The following MORC1 variants were observed in gnomAD, a reference collection of about 807,000 sequenced individuals.
MORC1 encodes MORC family CW-type zinc finger protein 1.
A neutral mutation model predicts 134.9 loss-of-function variants in MORC1; 59 were observed. The ratio of observed to expected loss-of-function variants is 0.44; its 90% CI spans 0.35 to 0.54. MORC1 has a LOEUF of 0.54. Ranked by LOEUF, MORC1 falls within the 20% of genes least tolerant of loss-of-function variation. MORC1 has a pLI of 0.00. For missense variants in MORC1, 947 were observed against 1,134.5 expected, an observed-to-expected ratio of 0.83 and a Z score of 2.37; for synonymous variants, 395 against 391.7, an observed-to-expected ratio of 1.01 and a Z score of -0.10.
intron 27 of MORC1, among the ~76,000 whole-genome samples, chr3:108,961,814 A>T (rs1255987451): frequency 3.9e-5 from 6 of 152,246 alleles, no homozygotes; most frequent in Non-Finnish European, 7.3e-5. Flanking sequence ...AAGGAGTAGT[A>T]AACGATTATT....
rs144339213 is a variant in MORC1, at chr3:109,093,851, G to A, written c.584-310C>T. On this transcript the variant is annotated intron_variant, in intron 7 of 27. Transcript: ENST00000232603. ...TAATTTGCATTATGAAATTTGTTAA[G>A]AGCCTGAGCCAAGCTTGTGTTATAG... 1.0e-3 allele frequency among the ~76,000 whole-genome samples: 157 copies of A among 152,286 alleles called. 3 individuals are homozygous for A. The highest frequency in any genetic ancestry group is 3.6e-3 in the African/African-American group (148 of 41,556).
intron 9 of MORC1, among the ~76,000 whole-genome samples, chr3:109,066,083 G>T (rs1169147986): frequency 6.6e-6 from 1 of 152,018 alleles, no homozygotes; most frequent in South Asian, 2.1e-4. Context: ...ATGCTCATTA[G>T]CTGGGTGACA....
intron 11 of MORC1, among the ~76,000 whole-genome samples, chr3:109,061,131 G>C (rs960591038): frequency 2.0e-5 from 3 of 152,034 alleles, no homozygotes; most frequent in Non-Finnish European, 2.9e-5. Context: ...ACACAGCCTT[G>C]GTCCTGGAAA....
intron 2 of MORC1, among the ~76,000 whole-genome samples, chr3:109,113,234 G>C (rs1951204716): frequency 6.6e-6 from 1 of 152,070 alleles, no homozygotes; most frequent in Admixed American, 6.5e-5. Context: ...ATCTTTCTTG[G>C]CTTCATCCTT....
chr3:109,024,894 T>C (rs1225689457), intron 17 of MORC1, among the ~76,000 whole-genome samples: 1 of 152,212 alleles, frequency 6.6e-6, no homozygotes, highest in Non-Finnish European at 1.5e-5. Context: ...TCCTTTCTTA[T>C]CTCACATTCC....
chr3:109,087,971 T>C (rs918134109), intron 8 of MORC1, among the ~76,000 whole-genome samples: 4 of 152,126 alleles, frequency 2.6e-5, no homozygotes, highest in South Asian at 2.1e-4. Context: ...AAAGAAGCAA[T>C]GGGAAAAGAC....
chr3:108,962,961 A>G (rs1947121011), intron 27 of MORC1, among the ~76,000 whole-genome samples: 1 of 152,140 alleles, frequency 6.6e-6, no homozygotes. Flanking sequence ...AACTGAAAAA[A>G]TTACCTACTG....
chr3:109,048,731 T>A (rs1949752317), intron 14 of MORC1, among the ~76,000 whole-genome samples: 1 of 152,110 alleles, frequency 6.6e-6, no homozygotes, highest in Non-Finnish European at 1.5e-5. Context: ...TCCTCACATG[T>A]TTTTTTCTTT....
intron 23 of MORC1, among the ~76,000 whole-genome samples, chr3:108,982,420 T>C (rs987937588): frequency 2.6e-5 from 4 of 152,070 alleles, no homozygotes; most frequent in Non-Finnish European, 4.4e-5. Context: ...CAAAGGATTA[T>C]AAATCATGCT....
chr3:109,039,659 T>C (rs1230512674), intron 14 of MORC1, among the ~76,000 whole-genome samples: 1 of 152,180 alleles, frequency 6.6e-6, no homozygotes, highest in African/African-American at 2.4e-5. Context: ...CTACACTCCA[T>C]GTTCCCGGAA....
chr3:109,097,785 T>A (rs1950855233), intron 6 of MORC1, among the ~76,000 whole-genome samples: 1 of 152,136 alleles, frequency 6.6e-6, no homozygotes, highest in East Asian at 1.9e-4. Context: ...AAGTTGTACA[T>A]GAAAAGGAAA....
chr3:109,069,974 C>T (rs558874000), intron 8 of MORC1, among the ~76,000 whole-genome samples: 2 of 152,352 alleles, frequency 1.3e-5, no homozygotes, highest in South Asian at 4.1e-4. Flanking sequence ...AAATAACCTA[C>T]ACTTTGGTTA....
At chr3:108,984,927 C>T (rs576342332) in intron 22 of MORC1, 145 bp from the exon 23 acceptor site, 8 of 604,036 alleles carry the variant, frequency 1.3e-5, no homozygotes, top group East Asian at 6.4e-5. Context: ...CCAGTTGTAA[C>T]GAGATCTATA....
At chr3:109,052,277 A>G (rs1205958246) in intron 14 of MORC1, among the ~76,000 whole-genome samples, 1 of 152,208 alleles carries the variant, frequency 6.6e-6, no homozygotes, top group Non-Finnish European at 1.5e-5. Context: ...TCTGAAAAAA[A>G]AATACATGTG....
intron 23 of MORC1, among the ~76,000 whole-genome samples, chr3:108,983,003 A>G (rs1348512280): frequency 1.3e-5 from 2 of 151,698 alleles, no homozygotes; most frequent in Non-Finnish European, 2.9e-5. Flanking sequence ...TTCATATTGT[A>G]TTTACAAGTC....
intron 16 of MORC1, among the ~76,000 whole-genome samples, chr3:109,031,416 C>T (rs1033376028): frequency 1.3e-5 from 2 of 152,118 alleles, no homozygotes; most frequent in Admixed American, 1.3e-4. Context: ...GGAGTCAAAC[C>T]CAGGCAGTCT....
chr3:108,989,736 C>A (rs1007229132), intron 21 of MORC1, among the ~76,000 whole-genome samples: 1 of 152,114 alleles, frequency 6.6e-6, no homozygotes, highest in Non-Finnish European at 1.5e-5. Flanking sequence ...CTTCAAAGAC[C>A]CCTTCTGTTT....
chr3:109,044,382 C>T (rs918266150), intron 14 of MORC1, among the ~76,000 whole-genome samples: 1 of 151,498 alleles, frequency 6.6e-6, no homozygotes. Flanking sequence ...CACAGTGAAA[C>T]CCCATCTCTA....
At chr3:109,065,620 T>C (rs1950178251) in intron 9 of MORC1, among the ~76,000 whole-genome samples, 1 of 152,194 alleles carries the variant, frequency 6.6e-6, no homozygotes, top group Non-Finnish European at 1.5e-5. Flanking sequence ...CTCACTCTGA[T>C]AGAAGTCAGC....
Sources: gnomAD v4.1 joint callset for allele counts (sites outside exome capture counted in the v4.1 genomes callset) on GRCh38, gnomAD v4.1.1 for gene constraint, MANE v1.5 for transcripts, NCBI Gene and HGNC (gene_info 2026-07-23, HGNC 2026-07-21) for gene names.